Variants in NR1D2 observed in about 807,000 individuals in gnomAD.
NR1D2 encodes nuclear receptor subfamily 1 group D member 2, also known as V-erbA-related protein 1-related.
A neutral mutation model predicts 52.2 loss-of-function variants in NR1D2; 25 were observed. The ratio of observed to expected loss-of-function variants is 0.48; its 90% CI spans 0.35 to 0.67. The LOEUF (loss-of-function observed/expected upper bound fraction) is 0.67. Among genes scored for constraint, NR1D2 ranks in the 30% least tolerant of loss-of-function variants. The probability of loss-of-function intolerance (pLI) is 0.01; values close to 1 mark genes in which losing one functional copy is unlikely to be tolerated. For missense variants in NR1D2, 681 were observed against 707.2 expected (o/e 0.96, Z 0.42); for synonymous variants, 259 against 230.1 (o/e 1.13, Z -1.14).
At chr3:23,961,424 A>G (rs1164547620) in intron 4 of NR1D2, among the ~76,000 whole-genome samples, 1 of 91,960 alleles carries the variant, frequency 1.1e-5, no homozygotes, top group African/African-American at 4.5e-5. Context: ...AAGATGGAGT[A>G]TTGCTCTGTC....
chr3:23,958,199 C>G (rs1005535174), intron 3 of NR1D2, among the ~76,000 whole-genome samples: 3 of 152,174 alleles, frequency 2.0e-5, no homozygotes, highest in Admixed American at 6.5e-5. Context: ...TTACCTGTTG[C>G]TGGCACGTAG....
At position 23,977,771 on chromosome 3, in the gene NR1D2, C is replaced by G. The variant is rs1384241093; in HGVS notation, c.*352C>G. On this transcript the variant is annotated 3_prime_UTR_variant, in exon 8 of 8. Transcript: ENST00000312521. ...ACGCACAATCACAAGTGTATGAGGA[C>G]TTAGAAATTAATCCTTTGTGGTAGG... 6.2e-6 allele frequency: 1 copy of G among 160,636 alleles called. No homozygotes were observed. The highest frequency in any genetic ancestry group is 1.4e-5 in the Non-Finnish European group (1 of 73,802). 10.0% of individuals were successfully genotyped at this position (160,636 alleles called of 1,614,324 possible). A position where few individuals can be genotyped will look rare whatever the true frequency, so the allele number is the denominator to read the frequency against.
Position 23,967,819 on chromosome 3 carries a change from A to G in NR1D2, c.1339A>G (p.Met447Val), listed in dbSNP as rs1046103307. ...TTTCTTTTTCTTTTTCCAGGTTTTA[A>G]TGGTACGGTTCGCATCATTATTTGA... ...LLKAGTFEVL[M>V]VRFASLFDAK... is the part of the protein sequence containing the mutation. The change falls in exon 7 of 8, where the codon ATG (methionine) becomes GTG (valine). Residue 447 changes from methionine to valine, a missense_variant. By Grantham distance (21) the Met-to-Val change is conservative. This residue lies in a region of NR1D2 where 475 missense variants were observed against 454.5 expected (regional missense o/e 1.05). Transcript: ENST00000312521. The G allele has an allele frequency of 5.0e-6, 8 of 1,611,396 alleles. No individual in the cohort carries two copies. In the South Asian group the frequency reaches 5.5e-5, roughly 11 times the overall value.
rs541462660 is a variant in NR1D2, at chr3:23,978,258, A to G, written c.*839A>G. The G allele has an allele frequency of 6.6e-6, 1 of 152,304 alleles. No individual in the cohort carries two copies. Among genetic ancestry groups the G allele is most frequent in the East Asian group, 1.9e-4 (1 of 5,186 alleles). The allele number at this position is 152,304 out of a possible 1,614,324, so 9.4% of individuals were successfully genotyped here. Reference sequence around the variant, plus strand: ...AATATGTATGTGAATATAGTTAAATATATTTCTTCACAATATTTTAAACTG... The same window carrying G: ...AATATGTATGTGAATATAGTTAAATGTATTTCTTCACAATATTTTAAACTG... On this transcript the variant is annotated 3_prime_UTR_variant, in exon 8 of 8. Coordinates refer to ENST00000312521, the MANE Select transcript of NR1D2 (RefSeq NM_005126.5).
intron 1 of NR1D2, chr3:23,946,049 G>T (rs969798533): frequency 2.2e-5 from 21 of 964,442 alleles, no homozygotes; most frequent in African/African-American, 3.5e-5. Context: ...GCGCGCGCTG[G>T]CTGGGAGCGC....
intron 7 of NR1D2, among the ~76,000 whole-genome samples, chr3:23,974,086 AC>A (rs1485555601): frequency 2.4e-5 from 1 of 41,290 alleles, no homozygotes; most frequent in African/African-American, 9.1e-5. Flanking sequence ...CTTTACAGTT[AC>A]CTTTTTTTTT....
chr3:23,952,759 CATT>C (rs910453514), intron 1 of NR1D2, among the ~76,000 whole-genome samples: 2 of 150,636 alleles, frequency 1.3e-5, no homozygotes, highest in African/African-American at 4.9e-5. Flanking sequence ...TGATGAAAAA[CATT>C]GTGTGTTTCT....
intron 7 of NR1D2, among the ~76,000 whole-genome samples, chr3:23,971,564 C>T (rs1330748082): frequency 1.3e-5 from 2 of 152,110 alleles, no homozygotes; most frequent in African/African-American, 4.8e-5. Context: ...CCACCGTGCC[C>T]AGCCTATACC....
rs1706275700 is a variant in NR1D2, at chr3:23,962,374, T to C, written c.915T>C (p.Leu305=). 1 of 1,614,158 alleles carries C rather than the reference T, an allele frequency of 6.2e-7. No individual in the cohort carries two copies. Among genetic ancestry groups the C allele is most frequent in the Non-Finnish European group, 8.5e-7 (1 of 1,180,002 alleles). Residue 305 remains leucine (L), a synonymous_variant, in exon 5 of 8, where the codon CTT becomes CTC. Transcript: ENST00000312521. ...NLNHDHCGNG[L]SSHFPCSESQ... ...ATCATGATCATTGCGGCAATGGGCTTAGCAGCCATTTTCCCTGTAGTGAGA... is the reference window on the plus strand; with the variant it reads ...ATCATGATCATTGCGGCAATGGGCTCAGCAGCCATTTTCCCTGTAGTGAGA...
Position 23,971,301 on chromosome 3 carries a change from C to CCATTTTTTTT in NR1D2, c.1543+3278_1543+3279insCATTTTTTTT, listed in dbSNP as rs201185985. Among the ~76,000 whole-genome samples, 3 of 110,852 alleles carry CCATTTTTTTT rather than the reference C, an allele frequency of 2.7e-5. 1 individual carries two copies. Among genetic ancestry groups the CCATTTTTTTT allele is most frequent in the Non-Finnish European group, 1.8e-5 (1 of 54,840 alleles). The allele number at this position is 110,852 out of a possible 152,430, so 72.7% of individuals were successfully genotyped here. Reference sequence around the variant, plus strand: ...GAATATAATGCTTATATCTCTATACCTATTTTTTTTTTTTTTTTTTTTGAG... The same window carrying CCATTTTTTTT: ...GAATATAATGCTTATATCTCTATACCCATTTTTTTTTATTTTTTTTTTTTTTTTTTTTGAG... On this transcript the variant is annotated intron_variant, in intron 7 of 7. Transcript: ENST00000312521.
In NR1D2 at chr3:23,956,068, C is replaced by T. The variant is rs145963481; in HGVS notation, c.315C>T (p.Val105=). The T allele has an allele frequency of 1.2e-6, 2 of 1,614,012 alleles. No homozygotes were observed. The highest frequency in any genetic ancestry group is 1.1e-5 in the South Asian group (1 of 91,080). The change falls in exon 3 of 8, where the codon GTC becomes GTT. Residue 105 remains valine (V), a synonymous_variant. Coordinates refer to ENST00000312521, the MANE Select transcript of NR1D2 (RefSeq NM_005126.5). ...KFSGMVLLCK[V]CGDVASGFHY... is the part of the protein sequence containing the mutation. Reference sequence around the variant, plus strand: ...GTGGCATGGTTCTACTGTGTAAAGTCTGTGGGGATGTGGCGTCAGGATTCC... The same window carrying T: ...GTGGCATGGTTCTACTGTGTAAAGTTTGTGGGGATGTGGCGTCAGGATTCC...
At position 23,945,602 on chromosome 3, in the gene NR1D2, C is replaced by T. The variant is rs1705639435; in HGVS notation, c.16+8C>T. ...CCATGGAGGTGAATGCAGGTAAGAA[C>T]CGGACTGCGGCGGGTGGGGGATGGC... On this transcript the variant is annotated splice_region_variant and intron_variant, in intron 1 of 7. Coordinates refer to ENST00000312521, the MANE Select transcript of NR1D2 (RefSeq NM_005126.5). The T allele has an allele frequency of 2.6e-6, 3 of 1,173,194 alleles. No homozygotes were observed. Among genetic ancestry groups the T allele is most frequent in the Non-Finnish European group, 3.2e-6 (3 of 943,106 alleles). 72.7% of individuals were successfully genotyped at this position (1,173,194 alleles called of 1,614,324 possible). A position where few individuals can be genotyped will look rare whatever the true frequency, so the allele number is the denominator to read the frequency against.
At position 23,962,193 on chromosome 3, in the gene NR1D2, C is replaced by T; in HGVS notation, c.734C>T (p.Ser245Phe). 1 of 1,614,212 alleles carries T rather than the reference C, an allele frequency of 6.2e-7. No homozygotes were observed. ...QENIKSSSPPSSDFAKEEVIG... is the reference protein window; with the variant it reads ...QENIKSSSPPFSDFAKEEVIG... ...AACATCAAAAGCTCTTCTCCTCCATCTTCTGATTTTGCAAAGGAAGAAGTG... is the reference window on the plus strand; with the variant it reads ...AACATCAAAAGCTCTTCTCCTCCATTTTCTGATTTTGCAAAGGAAGAAGTG... Residue 245 changes from serine (S) to phenylalanine (F), a missense_variant, in exon 5 of 8, where the codon TCT becomes TTT. Physicochemically the swap from Ser to Phe is radical, Grantham distance 155. Transcript: ENST00000312521.
At chr3:23,950,050 CAG>C (rs1387920366) in intron 1 of NR1D2, among the ~76,000 whole-genome samples, 1 of 152,184 alleles carries the variant, frequency 6.6e-6, no homozygotes, top group Admixed American at 6.5e-5. Flanking sequence ...AATTTTAGCT[CAG>C]GGTTTCAAAG....
chr3:23,955,063 T>C (rs1367760575), intron 2 of NR1D2, among the ~76,000 whole-genome samples: 1 of 152,344 alleles, frequency 6.6e-6, no homozygotes, highest in East Asian at 1.9e-4. Context: ...GTACCCTCTT[T>C]TACTACATTT....
rs1172872770 is a variant in NR1D2 at position 23,979,266 on chromosome 3, A to T, written c.*1847A>T. ...TAATTGTGATTTACCTTAAGTAGGTATAACTCTTATGGGATATACAGTATA... is the reference window on the plus strand; with the variant it reads ...TAATTGTGATTTACCTTAAGTAGGTTTAACTCTTATGGGATATACAGTATA... On this transcript the variant is annotated 3_prime_UTR_variant, in exon 8 of 8. Coordinates refer to ENST00000312521, the MANE Select transcript of NR1D2 (RefSeq NM_005126.5). 1 of 152,276 alleles carries T rather than the reference A, an allele frequency of 6.6e-6. No individual in the cohort carries two copies. Among genetic ancestry groups the T allele is most frequent in the East Asian group, 1.9e-4 (1 of 5,194 alleles). The allele number at this position is 152,276 out of a possible 1,614,324, so 9.4% of individuals were successfully genotyped here.
rs750610973 is a variant in NR1D2, at chr3:23,977,309, C to T, written c.1630C>T (p.His544Tyr). ...RALRTLIMKNHPNEASIFTKL... is the reference protein window; with the variant it reads ...RALRTLIMKNYPNEASIFTKL... The stretch of plus-strand genomic sequence containing the variant: ...ACTAAGGACCTTAATAATGAAAAAC[C>T]ATCCAAATGAGGCCTCTATTTTTAC... Residue 544 changes from histidine (H) to tyrosine (Y), a missense_variant, in exon 8 of 8, where the codon CAT becomes TAT. His to Tyr is a moderately conservative substitution (Grantham distance 83). Around this residue, in one of 3 missense-constraint regions of NR1D2, gnomAD observed 475 missense variants for 454.5 expected, o/e 1.05. Coordinates refer to ENST00000312521, the MANE Select transcript of NR1D2 (RefSeq NM_005126.5). 7 of 1,613,196 alleles carry T rather than the reference C, an allele frequency of 4.3e-6. No individual in the cohort carries two copies. In the South Asian group the frequency reaches 4.4e-5, roughly 10 times the overall value.
At position 23,962,411 on chromosome 3, in the gene NR1D2, C is replaced by G; in HGVS notation, c.952C>G (p.Leu318Val). 3 of 1,614,174 alleles carry G rather than the reference C, an allele frequency of 1.9e-6. No individual in the cohort carries two copies. Among genetic ancestry groups the G allele is most frequent in the Non-Finnish European group, 1.7e-6 (2 of 1,180,032 alleles). Residue 318 changes from leucine to valine, a missense_variant, in exon 5 of 8, where the codon CTC becomes GTC. By Grantham distance (32) the Leu-to-Val change is conservative. Around this residue, in one of 3 missense-constraint regions of NR1D2, gnomAD observed 475 missense variants for 454.5 expected, o/e 1.05. Coordinates refer to ENST00000312521, the MANE Select transcript of NR1D2 (RefSeq NM_005126.5). ...TCCCTGTAGTGAGAGCCAGCAGCAT[C>G]TCAATGGACAGTTCAAAGGGAGGAA... ...HFPCSESQQH[L>V]NGQFKGRNIM...
At chr3:23,957,863 C>T (rs2125287833) in intron 3 of NR1D2, among the ~76,000 whole-genome samples, 1 of 152,226 alleles carries the variant, frequency 6.6e-6, no homozygotes, top group African/African-American at 2.4e-5. Context: ...ATGTCTAGTT[C>T]AGCTCTTGTA....
Sources: allele counts gnomAD v4.1 joint callset (sites outside exome capture counted in the v4.1 genomes callset), GRCh38; gene constraint gnomAD v4.1.1; regional missense constraint gnomAD v4.1.1; transcripts MANE v1.5; gene names NCBI Gene and HGNC (gene_info 2026-07-23, HGNC 2026-07-21).